The following TRIP4 variants were observed in gnomAD, a reference collection of about 807,000 sequenced individuals.
The protein encoded by TRIP4 is activating signal cointegrator 1.
Under a neutral mutation model 81.8 loss-of-function variants are expected in TRIP4, and 54 were observed. That is an observed-to-expected ratio of 0.66 (90% confidence interval 0.53 to 0.83). The LOEUF (loss-of-function observed/expected upper bound fraction) is 0.83. Ranked by LOEUF, TRIP4 falls within the 40% of genes least tolerant of loss-of-function variation. The pLI is 0.00. For synonymous variants in TRIP4, 270 were observed against 242.8 expected (o/e 1.11, Z -1.04); for missense variants, 662 against 683.6 (o/e 0.97, Z 0.35).
At position 64,388,143 on chromosome 15, in the gene TRIP4, T is replaced by C. The variant is rs146565043; in HGVS notation, c.101+179T>C. The C allele has an allele frequency of 2.1e-3, 2,385 of 1,138,458 alleles. 11 individuals carry two copies. Among genetic ancestry groups the C allele is most frequent in the Middle Eastern group, 0.018 (54 of 3,054 alleles). 70.5% of individuals were successfully genotyped at this position (1,138,458 alleles called of 1,614,324 possible). Reference sequence around the variant, plus strand: ...TTGTAGTTTAGTTTCTGGAATAGGGTGTCCGGCTCCACAGTCTGCCGGTCG... The same window carrying C: ...TTGTAGTTTAGTTTCTGGAATAGGGCGTCCGGCTCCACAGTCTGCCGGTCG... On this transcript the variant is annotated intron_variant, in intron 1 of 12. Transcript: ENST00000261884.
At chr15:64,400,893 T>C (rs1891483697) in intron 5 of TRIP4, 72 bp downstream of exon 5, 3 of 1,287,864 alleles carry the variant, frequency 2.3e-6, no homozygotes, top group Non-Finnish European at 3.4e-6. Flanking sequence ...GTTTCTCTTT[T>C]CTGTATCCTG....
rs149432140 is a variant in TRIP4 at position 64,409,761 on chromosome 15, G to T, written c.976G>T (p.Val326Phe). The change falls in exon 7 of 13, where the codon GTC (valine) becomes TTC (phenylalanine). Residue 326 changes from valine to phenylalanine, a missense_variant. Coordinates refer to ENST00000261884, the MANE Select transcript of TRIP4 (RefSeq NM_016213.5). The part of the protein sequence containing the change: ...LRHASRLSKK[V>F]TIDFAGRKIL... ...ACACGCCTCTCGACTTTCTAAGAAG[G>T]TCACCATTGACTTTGCAGGAAGGAA... The T allele has an allele frequency of 2.8e-4, 460 of 1,614,152 alleles. 1 individual carries two copies. Among genetic ancestry groups the T allele is most frequent in the Non-Finnish European group, 3.7e-4 (435 of 1,180,038 alleles).
At position 64,387,944 on chromosome 15, in the gene TRIP4, T is replaced by A; in HGVS notation, c.81T>A (p.Asp27Glu). The A allele has an allele frequency of 1.9e-6, 3 of 1,550,986 alleles. No homozygotes were observed. The highest frequency in any genetic ancestry group is 2.6e-6 in the Non-Finnish European group (3 of 1,146,918). ...TQQLRKTFGL[D>E]VSEEIIQYVL... ...AGTTGCGGAAGACTTTCGGCCTGGA[T>A]GTCAGCGAGGAGATCATTCAGTGAG... The change falls in exon 1 of 13, where the codon GAT becomes GAA. Residue 27 changes from aspartate to glutamate, a missense_variant. Physicochemically the swap from Asp to Glu is conservative, Grantham distance 45. Coordinates refer to ENST00000261884, the MANE Select transcript of TRIP4 (RefSeq NM_016213.5).
intron 11 of TRIP4, among the ~76,000 whole-genome samples, chr15:64,440,962 TA>T (rs1892502353): frequency 6.6e-6 from 1 of 152,050 alleles, no homozygotes. Context: ...ATGAATAAAA[TA>T]ACGTTAATGC....
chr15:64,442,167 G>GT (rs1258010387), intron 11 of TRIP4, among the ~76,000 whole-genome samples: 1 of 149,864 alleles, frequency 6.7e-6, no homozygotes, highest in African/African-American at 2.4e-5. Context: ...CCGTTGGAGA[G>GT]TTTTAAGCAG....
intron 9 of TRIP4, among the ~76,000 whole-genome samples, chr15:64,421,740 T>G (rs1011224462): frequency 1.3e-5 from 2 of 152,134 alleles, no homozygotes; most frequent in Admixed American, 6.6e-5. Flanking sequence ...CTGTACCAGC[T>G]TGTAACTTAA....
chr15:64,399,626 T>A (rs1891442150), intron 4 of TRIP4, among the ~76,000 whole-genome samples: 1 of 151,948 alleles, frequency 6.6e-6, no homozygotes, highest in Non-Finnish European at 1.5e-5. Context: ...CTTAGCCTCT[T>A]GAGTAGCTGG....
At chr15:64,450,084 C>T (rs1184797681) in intron 12 of TRIP4, among the ~76,000 whole-genome samples, 1 of 152,186 alleles carries the variant, frequency 6.6e-6, no homozygotes, top group African/African-American at 2.4e-5. Flanking sequence ...GTTCACTATC[C>T]AGATCCTGAT....
chr15:64,413,941 T>C, intron 7 of TRIP4, 144 bp from the exon 8 acceptor site: 1 of 815,606 alleles, frequency 1.2e-6, no homozygotes, highest in African/African-American at 1.7e-5. Flanking sequence ...GAGAAGGAAG[T>C]TGGAGTGGGG....
At chr15:64,400,921 T>G (rs1174688571) in intron 5 of TRIP4, 100 bp downstream of exon 5, 1 of 958,018 alleles carries the variant, frequency 1.0e-6, no homozygotes, top group Non-Finnish European at 1.6e-6. Context: ...AGATGCAGTT[T>G]ATTCACTCAT....
At chr15:64,443,646 C>T (rs1239274739) in intron 11 of TRIP4, among the ~76,000 whole-genome samples, 1 of 152,128 alleles carries the variant, frequency 6.6e-6, no homozygotes, top group Non-Finnish European at 1.5e-5. Context: ...GAGGGTTTAC[C>T]TTTGTATCTG....
Position 64,409,659 on chromosome 15 carries a change from A to G in TRIP4, c.874A>G (p.Ser292Gly), listed in dbSNP as rs201377022. ...TGATGATGAGTCAGATTACTTTGCC[A>G]GTGATTCTAACCAATGGTTGTCCAA... is the stretch of plus-strand genomic sequence containing the variant. ...VIDDESDYFA[S>G]DSNQWLSKLE... Residue 292 changes from serine to glycine, a missense_variant, in exon 7 of 13, where the codon AGT becomes GGT. Ser to Gly is a moderately conservative substitution (Grantham distance 56, BLOSUM62 0). Transcript: ENST00000261884. 2.6e-4 allele frequency: 421 copies of G among 1,614,090 alleles called. 3 individuals are homozygous for G. Among genetic ancestry groups the G allele is most frequent in the Non-Finnish European group, 2.5e-4 (298 of 1,180,048 alleles).
chr15:64,452,684 T>C (rs1386428425), intron 12 of TRIP4, among the ~76,000 whole-genome samples: 2 of 152,232 alleles, frequency 1.3e-5, no homozygotes, highest in African/African-American at 4.8e-5. Flanking sequence ...GCACAAGGTT[T>C]CCTGTTCTTT....
rs1900333131 is a variant in TRIP4, at chr15:64,397,674, G to A, written c.474G>A (p.Gln158=). The A allele has an allele frequency of 1.9e-6, 3 of 1,614,082 alleles. No homozygotes were observed. The highest frequency in any genetic ancestry group is 1.3e-5 in the African/African-American group (1 of 74,930). The change falls in exon 4 of 13, where the codon CAG becomes CAA. Residue 158 remains glutamine (Q), a synonymous_variant. Coordinates refer to ENST00000261884, the MANE Select transcript of TRIP4 (RefSeq NM_016213.5). ...KFVNLYTREG[Q]DRLAVLLPGR... ...TCAATTTATACACAAGAGAGGGACA[G>A]GACAGGCTTGCAGTCCTGCTCCCTG...
chr15:64,434,761 C>G (rs988739052), intron 11 of TRIP4, among the ~76,000 whole-genome samples: 4 of 152,080 alleles, frequency 2.6e-5, no homozygotes, highest in African/African-American at 9.7e-5. Flanking sequence ...GGATATGATG[C>G]CTTCATTTTA....
At chr15:64,425,448 A>T in intron 10 of TRIP4, 92 bp from the exon 11 acceptor site, 1 of 1,089,394 alleles carries the variant, frequency 9.2e-7, no homozygotes, top group South Asian at 1.4e-5. Context: ...GGAAAAAGTT[A>T]TTAATGTTTG....
chr15:64,413,040 T>C (rs1270705976), intron 7 of TRIP4, among the ~76,000 whole-genome samples: 8 of 152,058 alleles, frequency 5.3e-5, no homozygotes, highest in Admixed American at 1.3e-4. Flanking sequence ...AGGGTACCTC[T>C]TTATAACTTC....
At chr15:64,432,474 G>T (rs1035804041) in intron 11 of TRIP4, among the ~76,000 whole-genome samples, 4 of 151,860 alleles carry the variant, frequency 2.6e-5, no homozygotes, top group Non-Finnish European at 5.9e-5. Context: ...GCTGGGCATG[G>T]TGGCGCACCC....
At chr15:64,424,408 ATCT>A (rs1892092585) in intron 10 of TRIP4, 4 of 426,064 alleles carry the variant, frequency 9.4e-6, no homozygotes, top group South Asian at 3.1e-5. Flanking sequence ...TGAGAAAATC[ATCT>A]TCTTTACTCT....
Sources: gnomAD v4.1 joint callset for allele counts (sites outside exome capture counted in the v4.1 genomes callset) on GRCh38, gnomAD v4.1.1 for gene constraint, MANE v1.5 for transcripts, NCBI Gene and HGNC (gene_info 2026-07-23, HGNC 2026-07-21) for gene names.